SUPT3H: variants seen among roughly 807,000 people sequenced by gnomAD.
The protein encoded by SUPT3H is transcription initiation protein SPT3 homolog.
SUPT3H carries 44 observed loss-of-function variants against 44.3 expected under a neutral mutation model. The observed-to-expected ratio is 0.99, with a 90% CI of 0.78 to 1.28. The LOEUF (loss-of-function observed/expected upper bound fraction) is 1.28. SUPT3H is among the 50% of genes most tolerant of loss of function. The pLI is 0.00. For synonymous variants in SUPT3H, 124 were observed against 125.6 expected, an observed-to-expected ratio of 0.99 and a Z score of 0.09; for missense variants, 380 against 387.1, an observed-to-expected ratio of 0.98 and a Z score of 0.15.
In SUPT3H at chr6:45,067,379, T is replaced by A. The variant is rs897134458; in HGVS notation, c.186+38543A>T. ...AAAACCCTAGAAGAAAACCTAGGCA[T>A]TACCCTTCAGGACATAGGCATGGGC... On this transcript the variant is annotated intron_variant, in intron 3 of 10. Transcript: ENST00000371459. Among the ~76,000 whole-genome samples, 5 of 123,632 alleles carry A rather than the reference T, an allele frequency of 4.0e-5. 1 individual carries two copies. The highest frequency in any genetic ancestry group is 8.8e-5 in the Admixed American group (1 of 11,364). 81.1% of individuals were successfully genotyped at this position (123,632 alleles called of 152,430 possible).
chr6:45,021,492 A>G (rs557976111), intron 3 of SUPT3H, among the ~76,000 whole-genome samples: 35 of 152,102 alleles, frequency 2.3e-4, no homozygotes, highest in African/African-American at 7.0e-4. Flanking sequence ...ATGCTACAGA[A>G]AACACTATAA....
At chr6:44,928,902 AAAGAAAAG>A (rs1440303191) in intron 10 of SUPT3H, among the ~76,000 whole-genome samples, 1 of 83,680 alleles carries the variant, frequency 1.2e-5, no homozygotes, top group Non-Finnish European at 2.1e-5. Flanking sequence ...AAAAAAAAAA[AAAGAAAAG>A]AAAAGAAACA....
intron 10 of SUPT3H, among the ~76,000 whole-genome samples, chr6:44,886,774 C>T (rs370020972): frequency 0.018 from 2,711 of 152,188 alleles, 53 homozygotes; most frequent in South Asian, 0.092. Flanking sequence ...ACAATATTAA[C>T]TTTAAATGTA....
At chr6:45,103,553 A>G (rs1158183514) in intron 3 of SUPT3H, among the ~76,000 whole-genome samples, 1 of 152,218 alleles carries the variant, frequency 6.6e-6, no homozygotes, top group African/African-American at 2.4e-5. Context: ...ACTAAATAGC[A>G]TATTAGACAT....
intron 10 of SUPT3H, among the ~76,000 whole-genome samples, chr6:44,928,098 A>C (rs1247514904): frequency 6.6e-6 from 1 of 152,206 alleles, no homozygotes; most frequent in East Asian, 1.9e-4. Flanking sequence ...CGGTGAAAAA[A>C]CCTGTGTAAG....
intron 2 of SUPT3H, among the ~76,000 whole-genome samples, chr6:45,267,914 G>A (rs1002908344): frequency 2.3e-4 from 35 of 152,306 alleles, no homozygotes; most frequent in African/African-American, 7.9e-4. Flanking sequence ...GCGAGGCAGA[G>A]CTGCCAGCTC....
At chr6:45,049,077 T>C (rs1789872834) in intron 3 of SUPT3H, among the ~76,000 whole-genome samples, 2 of 146,502 alleles carry the variant, frequency 1.4e-5, no homozygotes, top group South Asian at 5.0e-4. Context: ...ATACATATAT[T>C]AATTAGCTCA....
chr6:45,079,852 G>T lies in SUPT3H; in HGVS notation c.186+26070C>A, dbSNP rs180928012. On this transcript the variant is annotated intron_variant, in intron 3 of 10. Transcript: ENST00000371459. ...ACCTCAAACTATGAAACTATTCATAGAACTCACTAGGAATACTCTATAGGG... is the reference window on the plus strand; with the variant it reads ...ACCTCAAACTATGAAACTATTCATATAACTCACTAGGAATACTCTATAGGG... 2.7e-3 allele frequency among the ~76,000 whole-genome samples: 406 copies of T among 152,234 alleles called. 5 individuals carry two copies. Among genetic ancestry groups the T allele is most frequent in the African/African-American group, 8.2e-3 (342 of 41,558 alleles).
At chr6:44,954,432 T>C (rs1582726772) in intron 8 of SUPT3H, 63 bp downstream of exon 8, 6 of 1,133,428 alleles carry the variant, frequency 5.3e-6, no homozygotes, top group Non-Finnish European at 8.1e-6. Flanking sequence ...GAAGAATTGA[T>C]CATGGGCAGA....
chr6:45,130,107 C>A (rs1387028955), intron 2 of SUPT3H, among the ~76,000 whole-genome samples: 1 of 152,136 alleles, frequency 6.6e-6, no homozygotes, highest in Non-Finnish European at 1.5e-5. Flanking sequence ...GTGAAACCAT[C>A]ACATTAATCT....
Position 45,221,717 on chromosome 6 carries a change from T to C in SUPT3H, c.102-115711A>G, listed in dbSNP as rs922088167. On this transcript the variant is annotated intron_variant, in intron 2 of 10. Coordinates refer to ENST00000371459, the MANE Select transcript of SUPT3H (RefSeq NM_003599.4). Reference sequence around the variant, plus strand: ...ATCCCATCAAGGTTTTTTCTTTTTGTAGACATAGGGAAGCTTATTCTAATT... The same window carrying C: ...ATCCCATCAAGGTTTTTTCTTTTTGCAGACATAGGGAAGCTTATTCTAATT... Among the ~76,000 whole-genome samples, 22 of 152,242 alleles carry C rather than the reference T, an allele frequency of 1.4e-4. No homozygotes were observed. In the South Asian group the frequency reaches 2.7e-3, roughly 19 times the overall value.
chr6:45,218,718 G>A (rs1333258782), intron 2 of SUPT3H, among the ~76,000 whole-genome samples: 1 of 152,114 alleles, frequency 6.6e-6, no homozygotes, highest in Non-Finnish European at 1.5e-5. Flanking sequence ...TGGACAACAG[G>A]AGCAAAACTC....
At chr6:44,818,791 A>G (rs764717370) in intron 11 of SUPT3H, among the ~76,000 whole-genome samples, 6 of 152,238 alleles carry the variant, frequency 3.9e-5, no homozygotes, top group Non-Finnish European at 8.8e-5. Flanking sequence ...AAAGCAAAAT[A>G]AATAAGCAAT....
At chr6:45,277,360 T>A (rs1015851844) in intron 2 of SUPT3H, among the ~76,000 whole-genome samples, 2 of 152,214 alleles carry the variant, frequency 1.3e-5, no homozygotes, top group African/African-American at 2.4e-5. Flanking sequence ...TTCTAATATG[T>A]CTGGAATCCT....
intron 10 of SUPT3H, among the ~76,000 whole-genome samples, chr6:44,877,752 A>C (rs954632493): frequency 1.3e-5 from 2 of 152,058 alleles, no homozygotes; most frequent in Non-Finnish European, 2.9e-5. Flanking sequence ...TTTTTTTGTC[A>C]GTGATGTAGA....
intron 2 of SUPT3H, among the ~76,000 whole-genome samples, chr6:45,227,914 C>T (rs908102907): frequency 2.0e-5 from 3 of 151,552 alleles, no homozygotes; most frequent in Admixed American, 1.3e-4. Flanking sequence ...AAAAATAAAA[C>T]AAAATGAAAC....
At chr6:44,820,424 G>A (rs181486014) in intron 11 of SUPT3H, among the ~76,000 whole-genome samples, 2 of 152,274 alleles carry the variant, frequency 1.3e-5, no homozygotes, top group Admixed American at 1.3e-4. Context: ...TCTTGGGAAA[G>A]TCAAGGGGAA....
intron 4 of SUPT3H, 73 bp from the exon 5 acceptor site, chr6:45,014,964 A>G: frequency 1.2e-6 from 1 of 831,806 alleles, no homozygotes; most frequent in Non-Finnish European, 1.7e-6. Context: ...AGACTACTAT[A>G]ACCAAATTTA....
chr6:45,366,553 C>T (rs554156833), intron 1 of SUPT3H, among the ~76,000 whole-genome samples: 7 of 152,250 alleles, frequency 4.6e-5, no homozygotes, highest in African/African-American at 1.4e-4. Flanking sequence ...AAAAAGAATT[C>T]CCCTCCTTTA....
Sources: allele counts gnomAD v4.1 joint callset (sites outside exome capture counted in the v4.1 genomes callset), GRCh38; gene constraint gnomAD v4.1.1; transcripts MANE v1.5; gene names NCBI Gene and HGNC (gene_info 2026-07-23, HGNC 2026-07-21).